Variants in ANKS1B observed in about 807,000 individuals in gnomAD.
ANKS1B encodes ankyrin repeat and sterile alpha motif domain-containing protein 1B.
A neutral mutation model predicts 148.3 loss-of-function variants in ANKS1B; 36 were observed. The observed-to-expected ratio is 0.24, with a 90% confidence interval of 0.19 to 0.32. The LOEUF is 0.32. Ranked by LOEUF, ANKS1B falls within the 10% of genes least tolerant of loss-of-function variation. The pLI is 1.00. For synonymous variants in ANKS1B, 542 were observed against 560.8 expected (o/e 0.97, Z 0.47); for missense variants, 1,157 against 1,542.6 (o/e 0.75, Z 4.19).
rs191560760 is a variant in ANKS1B at position 99,625,400 on chromosome 12, T to A, written c.1272+29667A>T. On this transcript the variant is annotated intron_variant, in intron 9 of 26. Transcript: ENST00000683438. ...GACTCTAAAATAAAAATAGAAATTT[T>A]AAAAAAACTGTACATAGCACCTATC... Among the ~76,000 whole-genome samples, 137 of 152,220 alleles carry A rather than the reference T, an allele frequency of 9.0e-4. 2 individuals are homozygous for A. Among genetic ancestry groups the A allele is most frequent in the Middle Eastern group, 3.4e-3 (1 of 294 alleles).
At chr12:99,455,227 G>T (rs1337971443) in intron 10 of ANKS1B, among the ~76,000 whole-genome samples, 2 of 152,040 alleles carry the variant, frequency 1.3e-5, no homozygotes, top group Non-Finnish European at 2.9e-5. Context: ...AGCCCACCAG[G>T]CCAGAACCCC....
chr12:99,701,982 A>T (rs1312803640), intron 8 of ANKS1B, among the ~76,000 whole-genome samples: 1 of 152,148 alleles, frequency 6.6e-6, no homozygotes, highest in Non-Finnish European at 1.5e-5. Flanking sequence ...GCTATTATGA[A>T]TAGTGCTGCT....
intron 17 of ANKS1B, among the ~76,000 whole-genome samples, chr12:99,040,993 T>C (rs1249635902): frequency 2.0e-5 from 3 of 152,144 alleles, no homozygotes; most frequent in Non-Finnish European, 4.4e-5. Flanking sequence ...ATGCGAATAA[T>C]ACACTTGAGA....
intron 17 of ANKS1B, among the ~76,000 whole-genome samples, chr12:99,016,868 T>C (rs539051051): frequency 6.6e-6 from 1 of 152,216 alleles, no homozygotes; most frequent in South Asian, 2.1e-4. Context: ...TTGCTGGAAC[T>C]GGGCCTGCCC....
intron 17 of ANKS1B, among the ~76,000 whole-genome samples, chr12:99,024,528 G>C (rs965566537): frequency 1.2e-4 from 19 of 152,126 alleles, no homozygotes; most frequent in Non-Finnish European, 2.5e-4. Context: ...GAATTAGATT[G>C]ATTGGTCATT....
At position 98,842,056 on chromosome 12, in the gene ANKS1B, A is replaced by G. The variant is rs192205344; in HGVS notation, c.2779-9920T>C. ...CAGTTTTCTAACATATAACCCAGCAAGTTGACTCTAGCTAGCAACTCCTAG... is the reference window on the plus strand; with the variant it reads ...CAGTTTTCTAACATATAACCCAGCAGGTTGACTCTAGCTAGCAACTCCTAG... On this transcript the variant is annotated intron_variant, in intron 17 of 26. Transcript: ENST00000683438. Among the ~76,000 whole-genome samples, 15 of 152,338 alleles carry G rather than the reference A, an allele frequency of 9.8e-5. No individual in the cohort carries two copies. The East Asian group carries it at 2.7e-3, about 27-fold the overall frequency.
chr12:98,992,885 G>A (rs1041112656), intron 17 of ANKS1B, among the ~76,000 whole-genome samples: 1 of 152,150 alleles, frequency 6.6e-6, no homozygotes, highest in Admixed American at 6.5e-5. Context: ...TATGATGCCT[G>A]TCTTGTTCTC....
chr12:98,849,400 TAG>T (rs1023073825), intron 17 of ANKS1B, among the ~76,000 whole-genome samples: 2 of 152,316 alleles, frequency 1.3e-5, no homozygotes, highest in Admixed American at 6.5e-5. Context: ...TAGTGTCTCT[TAG>T]AGAAATGTTG....
intron 9 of ANKS1B, among the ~76,000 whole-genome samples, chr12:99,606,771 T>C (rs888145545): frequency 6.6e-6 from 1 of 152,162 alleles, no homozygotes; most frequent in African/African-American, 2.4e-5. Flanking sequence ...ACTGTATTCA[T>C]TCTTAACAGT....
intron 16 of ANKS1B, among the ~76,000 whole-genome samples, chr12:99,068,512 T>G (rs2045234563): frequency 6.6e-6 from 1 of 152,238 alleles, no homozygotes; most frequent in Non-Finnish European, 1.5e-5. Flanking sequence ...ATATGGCACA[T>G]GACTGTATAC....
At chr12:99,217,213 T>C (rs2084353632) in intron 14 of ANKS1B, among the ~76,000 whole-genome samples, 1 of 152,158 alleles carries the variant, frequency 6.6e-6, no homozygotes, top group Non-Finnish European at 1.5e-5. Context: ...TCCATTTTCA[T>C]GTTTCTGTCC....
At chr12:99,535,318 G>A (rs12309903) in intron 9 of ANKS1B, among the ~76,000 whole-genome samples, 1 of 152,218 alleles carries the variant, frequency 6.6e-6, no homozygotes, top group Admixed American at 6.5e-5. Flanking sequence ...CCATCACCAA[G>A]TCCCATGATT....
At chr12:99,802,944 T>A (rs1213858796) in intron 4 of ANKS1B, among the ~76,000 whole-genome samples, 1 of 150,120 alleles carries the variant, frequency 6.7e-6, no homozygotes, top group Non-Finnish European at 1.5e-5. Flanking sequence ...TAAAATAAAA[T>A]CACATGTAAC....
intron 15 of ANKS1B, among the ~76,000 whole-genome samples, chr12:99,151,628 T>C (rs1601133611): frequency 1.3e-5 from 2 of 152,236 alleles, no homozygotes; most frequent in Middle Eastern, 6.8e-3. Flanking sequence ...TAATAATAGC[T>C]ATGGAGATAA....
chr12:99,922,995 G>C (rs1056205441), intron 1 of ANKS1B, among the ~76,000 whole-genome samples: 1 of 151,908 alleles, frequency 6.6e-6, no homozygotes, highest in South Asian at 2.1e-4. Context: ...TTCTGCTATA[G>C]CAACATGAAA....
chr12:98,799,399 C>A (rs906931800), intron 21 of ANKS1B, among the ~76,000 whole-genome samples: 6 of 152,120 alleles, frequency 3.9e-5, no homozygotes, highest in African/African-American at 1.4e-4. Context: ...AGCTAAGCAA[C>A]ATGTCCCCCA....
chr12:98,982,294 C>T (rs980510024), intron 17 of ANKS1B, among the ~76,000 whole-genome samples: 1 of 148,436 alleles, frequency 6.7e-6, no homozygotes, highest in African/African-American at 2.5e-5. Context: ...GGGCCTACCT[C>T]TGTAGTTCTA....
At position 98,735,800 on chromosome 12, in the gene ANKS1B, G is replaced by T. The variant is rs145299228; in HGVS notation, c.691-166C>A. On this transcript the variant is annotated intron_variant, in intron 9 of 9. Coordinates refer to the ANKS1B transcript ENST00000341752. ...TGCAGTTAAGGGCCAGGGAGAGGCA[G>T]AAAAAGTAAATAAGTAAAATCTATA... is the stretch of plus-strand genomic sequence containing the variant. Among the ~76,000 whole-genome samples the T allele has an allele frequency of 6.6e-5, 10 of 152,308 alleles. No homozygotes were observed. In the East Asian group the frequency reaches 1.9e-3, roughly 29 times the overall value.
chr12:99,930,522 C>T (rs1376448214), intron 1 of ANKS1B, among the ~76,000 whole-genome samples: 1 of 152,148 alleles, frequency 6.6e-6, no homozygotes. Flanking sequence ...CTGGCCAGAA[C>T]TTCCAACACT....
Sources: gnomAD v4.1 joint callset for allele counts (sites outside exome capture counted in the v4.1 genomes callset) on GRCh38, gnomAD v4.1.1 for gene constraint, MANE v1.5 for transcripts, NCBI Gene and HGNC (gene_info 2026-07-23, HGNC 2026-07-21) for gene names.